CHRNA4: variants seen among roughly 807,000 people sequenced by gnomAD.
The protein encoded by CHRNA4 is neuronal acetylcholine receptor subunit alpha-4.
In CHRNA4, 28 loss-of-function variants were observed where a neutral mutation model predicts 48.9. That is an observed-to-expected ratio of 0.57 (90% confidence interval 0.42 to 0.79). The LOEUF (loss-of-function observed/expected upper bound fraction) is 0.79. CHRNA4 is among the 30% of genes least tolerant of loss of function. The probability of loss-of-function intolerance (pLI) is 0.00; values close to 1 mark genes in which losing one functional copy is unlikely to be tolerated. For missense variants in CHRNA4, 859 were observed against 898.4 expected (o/e 0.96, Z 0.56); for synonymous variants, 425 against 402.3 (o/e 1.06, Z -0.68).
rs1361244917 is a variant in CHRNA4 at position 63,346,072 on chromosome 20, G to A, written c.*666C>T. On this transcript the variant is annotated 3_prime_UTR_variant, in exon 6 of 6. Coordinates refer to ENST00000370263, the MANE Select transcript of CHRNA4 (RefSeq NM_000744.7). Reference sequence around the variant, plus strand: ...GCGTGGGCCTCCCGATTCTCCCCACGCGGAACCAGCTCCACAAAACTCTGT... The same window carrying A: ...GCGTGGGCCTCCCGATTCTCCCCACACGGAACCAGCTCCACAAAACTCTGT... 7 of 454,032 alleles carry A rather than the reference G, an allele frequency of 1.5e-5. No homozygotes were observed. The highest frequency in any genetic ancestry group is 7.0e-5 in the East Asian group (1 of 14,368). 28.1% of individuals were successfully genotyped at this position (454,032 alleles called of 1,614,324 possible). A position where few individuals can be genotyped will look rare whatever the true frequency, so the allele number is the denominator to read the frequency against.
intron 5 of CHRNA4, among the ~76,000 whole-genome samples, chr20:63,349,058 G>A (rs752093693): frequency 1.3e-5 from 2 of 151,996 alleles, no homozygotes; most frequent in African/African-American, 2.4e-5. Context: ...TGGGACCAGC[G>A]TTCTGCCCCC....
rs1021108901 is a variant in CHRNA4, at chr20:63,359,453, G to A, written c.228+95C>T. ...GGCCGGACACTCACAGCCACGGGGAGTGTTGATGGCTGTGTCCCCTCTGCC... is the reference window on the plus strand; with the variant it reads ...GGCCGGACACTCACAGCCACGGGGAATGTTGATGGCTGTGTCCCCTCTGCC... On this transcript the variant is annotated intron_variant, in intron 2 of 5. Transcript: ENST00000370263. 2.7e-6 allele frequency: 4 copies of A among 1,495,126 alleles called. No individual in the cohort carries two copies. The South Asian group carries it at 3.4e-5, about 13-fold the overall frequency. 92.6% of individuals were successfully genotyped at this position (1,495,126 alleles called of 1,614,324 possible).
intron 4 of CHRNA4, chr20:63,351,253 T>C (rs371211356): frequency 2.9e-5 from 11 of 377,002 alleles, no homozygotes; most frequent in African/African-American, 1.7e-4. Flanking sequence ...CACGTCCACG[T>C]CCACGTCCAC....
rs1299898414 is a variant in CHRNA4 at position 63,346,143 on chromosome 20, C to T, written c.*595G>A. 2.2e-6 allele frequency: 1 copy of T among 454,142 alleles called. No homozygotes were observed. The highest frequency in any genetic ancestry group is 2.3e-5 in the Admixed American group (1 of 42,586). The allele number at this position is 454,142 out of a possible 1,614,324, so 28.1% of individuals were successfully genotyped here. A position where few individuals can be genotyped will look rare whatever the true frequency, so the allele number is the denominator to read the frequency against. ...CAAGACTTGAGTTCTCACTAACTTACCCAAAACACAACCAAACACAATCCC... is the reference window on the plus strand; with the variant it reads ...CAAGACTTGAGTTCTCACTAACTTATCCAAAACACAACCAAACACAATCCC... On this transcript the variant is annotated 3_prime_UTR_variant, in exon 6 of 6. Transcript: ENST00000370263.
chr20:63,355,865 G>A (rs532073622), intron 4 of CHRNA4, 110 bp downstream of exon 4: 17 of 1,460,176 alleles, frequency 1.2e-5, no homozygotes, highest in African/African-American at 4.2e-5. Flanking sequence ...CATAGGCCCC[G>A]CTGGGCCAGG....
intron 4 of CHRNA4, among the ~76,000 whole-genome samples, chr20:63,352,162 C>T (rs6011774): frequency 0.64 from 90,124 of 140,398 alleles, 28,745 homozygotes; most frequent in Non-Finnish European, 0.74. Flanking sequence ...CCCTCCTCTG[C>T]CTCATTCCCT....
intron 2 of CHRNA4, 79 bp downstream of exon 2, chr20:63,359,469 C>T: frequency 1.3e-6 from 2 of 1,575,008 alleles, no homozygotes; most frequent in Non-Finnish European, 1.7e-6. Flanking sequence ...ATGGCTGTGT[C>T]CCCTCTGCCC....
At chr20:63,349,320 G>A (rs999652697) in intron 5 of CHRNA4, among the ~76,000 whole-genome samples, 1 of 152,200 alleles carries the variant, frequency 6.6e-6, no homozygotes, top group African/African-American at 2.4e-5. Flanking sequence ...CTGGGCAGGA[G>A]TTCCCAGAGC....
rs562672919 is a variant in CHRNA4 at position 63,354,490 on chromosome 20, G to C, written c.383+1485C>G. ...TCCTGGGGGCCTGTGGTCCTAGGGG[G>C]CTGTGGTCCTAGAGGAACTGTGGTC... On this transcript the variant is annotated intron_variant, in intron 4 of 5. Transcript: ENST00000370263. The C allele has an allele frequency of 2.3e-4, 154 of 655,658 alleles. No individual in the cohort carries two copies. The African/African-American group carries it at 3.0e-3, about 13-fold the overall frequency. 40.6% of individuals were successfully genotyped at this position (655,658 alleles called of 1,614,324 possible).
intron 4 of CHRNA4, among the ~76,000 whole-genome samples, chr20:63,355,022 A>T (rs2068696708): frequency 6.6e-6 from 1 of 152,146 alleles, no homozygotes; most frequent in Non-Finnish European, 1.5e-5. Context: ...CAGGGTTTGT[A>T]GGTCAGGCGG....
At chr20:63,353,324 G>A (rs917382591) in intron 4 of CHRNA4, among the ~76,000 whole-genome samples, 6 of 152,116 alleles carry the variant, frequency 3.9e-5, no homozygotes, top group African/African-American at 9.7e-5. Flanking sequence ...AGAGAGCCTC[G>A]GTGACAATCC....
In CHRNA4 at chr20:63,346,680, G is replaced by A. The variant is rs202156992; in HGVS notation, c.*58C>T. On this transcript the variant is annotated 3_prime_UTR_variant, in exon 6 of 6. Transcript: ENST00000370263. ...AAGCCAGCCCGGCCCCAGGCCGGCCGCATGGATGCTGGCCCCGTGCACGGC... is the reference window on the plus strand; with the variant it reads ...AAGCCAGCCCGGCCCCAGGCCGGCCACATGGATGCTGGCCCCGTGCACGGC... The A allele has an allele frequency of 8.9e-6, 14 of 1,565,154 alleles. No individual in the cohort carries two copies. The highest frequency in any genetic ancestry group is 3.7e-5 in the Admixed American group (2 of 53,624).
At position 63,344,421 on chromosome 20, in the gene CHRNA4, G is replaced by A. The variant is rs201255747; in HGVS notation, c.*2317C>T. ...TAAAAACAGCACTGGACGCAAATAC[G>A]CCAACATTGTTGTCAAGGTTAATTT... On this transcript the variant is annotated 3_prime_UTR_variant, in exon 6 of 6. Coordinates refer to ENST00000370263, the MANE Select transcript of CHRNA4 (RefSeq NM_000744.7). This position sits in a 1 kb window ranked among gnomAD's most constrained non-coding sequence, Gnocchi z 4.5. 1.5e-5 allele frequency: 7 copies of A among 453,310 alleles called. No individual in the cohort carries two copies. The highest frequency in any genetic ancestry group is 1.0e-4 in the African/African-American group (5 of 49,710). The allele number at this position is 453,310 out of a possible 1,614,324, so 28.1% of individuals were successfully genotyped here. A position where few individuals can be genotyped will look rare whatever the true frequency, so the allele number is the denominator to read the frequency against.
chr20:63,346,300 G>A lies in CHRNA4; in HGVS notation c.*438C>T, dbSNP rs1383122945. ...GCAGGACACGGTGGGTGGGAGAGGC[G>A]GCCGGGCCTCCAGAAGACGGGGCGC... On this transcript the variant is annotated 3_prime_UTR_variant, in exon 6 of 6. Coordinates refer to ENST00000370263, the MANE Select transcript of CHRNA4 (RefSeq NM_000744.7). The A allele has an allele frequency of 6.6e-6, 3 of 453,972 alleles. No individual in the cohort carries two copies. The highest frequency in any genetic ancestry group is 4.4e-6 in the Non-Finnish European group (1 of 226,708). The allele number at this position is 453,972 out of a possible 1,614,324, so 28.1% of individuals were successfully genotyped here. A position where few individuals can be genotyped will look rare whatever the true frequency, so the allele number is the denominator to read the frequency against.
At chr20:63,357,125 TC>T (rs1157997792) in intron 2 of CHRNA4, among the ~76,000 whole-genome samples, 5 of 122,926 alleles carry the variant, frequency 4.1e-5, no homozygotes, top group African/African-American at 1.6e-4. Context: ...CAGGACCACG[TC>T]TCCACGGACC....
chr20:63,349,929 G>C lies in CHRNA4; in HGVS notation c.1482C>G (p.Pro494=). 6.3e-7 allele frequency: 1 copy of C among 1,591,458 alleles called. No individual in the cohort carries two copies. Among genetic ancestry groups the C allele is most frequent in the Non-Finnish European group, 8.6e-7 (1 of 1,168,556 alleles). The change falls in exon 5 of 6, where the codon CCC becomes CCG. Residue 494 remains proline (P), a synonymous_variant. Transcript: ENST00000370263. ...CTGCCTCGGGGGCGGCATCGTCTCG[G>C]GGAACACAGTACTGGATGCTCCGAG... is the stretch of plus-strand genomic sequence containing the variant. ...CRSRSIQYCV[P]RDDAAPEADG...
In CHRNA4 at chr20:63,350,954, G is replaced by A. The variant is rs2068588000; in HGVS notation, c.457C>T (p.Pro153Ser). 3 of 1,613,716 alleles carry A rather than the reference G, an allele frequency of 1.9e-6. No individual in the cohort carries two copies. Among genetic ancestry groups the A allele is most frequent in the Non-Finnish European group, 2.5e-6 (3 of 1,180,008 alleles). ...LFHDGRVQWT[P>S]PAIYKSSCSI... is the part of the protein sequence containing the mutation. ...CAGGAGCTCTTGTAAATGGCCGGGG[G>A]AGTCCACTGCACCCGCCCGTCATGG... The change falls in exon 5 of 6, where the codon CCC (proline) becomes TCC (serine). Residue 153 changes from proline (P) to serine (S), a missense_variant. Around this residue, in one of 3 missense-constraint regions of CHRNA4, gnomAD observed 342 missense variants for 365.3 expected, o/e 0.94. Transcript: ENST00000370263.
In CHRNA4 at chr20:63,345,206, CG is replaced by C. The variant is rs750201242; in HGVS notation, c.*1531del. 7.0e-5 allele frequency: 31 copies of C among 445,778 alleles called. No individual in the cohort carries two copies. The highest frequency in any genetic ancestry group is 1.3e-4 in the Non-Finnish European group (29 of 220,330). The allele number at this position is 445,778 out of a possible 1,614,324, so 27.6% of individuals were successfully genotyped here. On this transcript the variant is annotated 3_prime_UTR_variant, in exon 6 of 6. Coordinates refer to ENST00000370263, the MANE Select transcript of CHRNA4 (RefSeq NM_000744.7). This position sits in a 1 kb window ranked among gnomAD's most constrained non-coding sequence, Gnocchi z 5.4. ...GACCCTGGCCCAGGAGAGCTCGGCTCGGGGACAGAGGAATGAGACTCAGTGG... is the reference window on the plus strand; with the variant it reads ...GACCCTGGCCCAGGAGAGCTCGGCTCGGGACAGAGGAATGAGACTCAGTGG...
intron 2 of CHRNA4, among the ~76,000 whole-genome samples, chr20:63,357,021 C>T (rs1002676462): frequency 2.9e-5 from 1 of 34,946 alleles, no homozygotes; most frequent in Non-Finnish European, 8.0e-5. Context: ...CACATCCCCA[C>T]AGAACCACGT....
Sources: gnomAD v4.1 joint callset for allele counts (sites outside exome capture counted in the v4.1 genomes callset) on GRCh38, gnomAD v4.1.1 for gene constraint, gnomAD v4.1.1 regional missense constraint, Gnocchi (gnomAD v3.1) non-coding constraint, MANE v1.5 for transcripts, NCBI Gene and HGNC (gene_info 2026-07-23, HGNC 2026-07-21) for gene names.